SOX5: variants seen among roughly 807,000 people sequenced by gnomAD.
The protein encoded by SOX5 is transcription factor SOX-5.
Under a neutral mutation model 92.0 loss-of-function variants are expected in SOX5, and 9 were observed. The observed-to-expected ratio is 0.10, with a 90% confidence interval of 0.06 to 0.17. SOX5 has a LOEUF of 0.17. SOX5 is among the 10% of genes least tolerant of loss of function. The pLI is 1.00. For missense variants in SOX5, 642 were observed against 944.5 expected (o/e 0.68, Z 4.20); for synonymous variants, 344 against 336.3 (o/e 1.02, Z -0.25).
chr12:23,968,689 C>G (rs1569313677), intron 4 of SOX5, among the ~76,000 whole-genome samples: 2 of 152,196 alleles, frequency 1.3e-5, no homozygotes, highest in Non-Finnish European at 2.9e-5. Context: ...CTTGGATATT[C>G]TGTTACAGCA....
chr12:23,543,720 A>T (rs930307605), intron 12 of SOX5, among the ~76,000 whole-genome samples: 1 of 152,246 alleles, frequency 6.6e-6, no homozygotes, highest in African/African-American at 2.4e-5. Context: ...ATCAACAGGC[A>T]TACCAGTAGT....
chr12:23,534,975 G>T (rs1940006986), intron 14 of SOX5, among the ~76,000 whole-genome samples: 1 of 152,032 alleles, frequency 6.6e-6, no homozygotes, highest in African/African-American at 2.4e-5. Flanking sequence ...CTCCCAAAGT[G>T]TTGGGATTAC....
At chr12:24,072,131 G>C (rs2137453015) in intron 4 of SOX5, among the ~76,000 whole-genome samples, 1 of 152,254 alleles carries the variant, frequency 6.6e-6, no homozygotes, top group South Asian at 2.1e-4. Context: ...AAATAAGTTT[G>C]CAATTGAATT....
chr12:23,849,494 A>G (rs962919608), intron 2 of SOX5, among the ~76,000 whole-genome samples: 1 of 152,194 alleles, frequency 6.6e-6, no homozygotes, highest in African/African-American at 2.4e-5. Context: ...TAACTACCAA[A>G]AAGTAGAGTG....
intron 2 of SOX5, among the ~76,000 whole-genome samples, chr12:23,870,910 A>G (rs912469766): frequency 6.6e-6 from 1 of 152,020 alleles, no homozygotes; most frequent in African/African-American, 2.4e-5. Context: ...GAGACACTTC[A>G]CTCACTAAGG....
chr12:24,411,026 A>C (rs762540093), intron 1 of SOX5, among the ~76,000 whole-genome samples: 12 of 152,070 alleles, frequency 7.9e-5, no homozygotes, highest in Non-Finnish European at 1.3e-4. Context: ...GTTTTGTTAG[A>C]TTTATACCTA....
At chr12:23,970,587 A>G (rs955363610) in intron 4 of SOX5, among the ~76,000 whole-genome samples, 7 of 151,536 alleles carry the variant, frequency 4.6e-5, no homozygotes, top group Admixed American at 2.6e-4. Context: ...TACTGAGCAT[A>G]AAGTTTTCAA....
intron 3 of SOX5, among the ~76,000 whole-genome samples, chr12:23,829,701 G>A (rs897439083): frequency 4.6e-5 from 7 of 152,134 alleles, no homozygotes; most frequent in African/African-American, 1.7e-4. Context: ...GGTTTGGAAT[G>A]ACTTACATAG....
intron 4 of SOX5, among the ~76,000 whole-genome samples, chr12:24,066,777 A>G (rs926957524): frequency 5.3e-5 from 8 of 152,370 alleles, no homozygotes; most frequent in African/African-American, 1.9e-4. Context: ...ACACCTATTT[A>G]TAACTAAGCA....
chr12:23,814,416 G>A (rs1192381226), intron 3 of SOX5, among the ~76,000 whole-genome samples: 1 of 152,186 alleles, frequency 6.6e-6, no homozygotes. Context: ...AGAGGTTCCT[G>A]TAGAAAGCAG....
intron 12 of SOX5, among the ~76,000 whole-genome samples, chr12:23,543,792 G>T (rs1424992813): frequency 6.6e-6 from 1 of 152,142 alleles, no homozygotes; most frequent in Non-Finnish European, 1.5e-5. Context: ...GATTATAGGG[G>T]AGGATATATC....
At chr12:24,491,436 T>G (rs1189808679) in intron 1 of SOX5, among the ~76,000 whole-genome samples, 1 of 152,116 alleles carries the variant, frequency 6.6e-6, no homozygotes, top group Non-Finnish European at 1.5e-5. Flanking sequence ...CAAAGAAATG[T>G]TCACTAGAGT....
chr12:24,434,883 G>T (rs1226606191), intron 1 of SOX5, among the ~76,000 whole-genome samples: 1 of 152,162 alleles, frequency 6.6e-6, no homozygotes, highest in Non-Finnish European at 1.5e-5. Context: ...CCTGTCTTGG[G>T]TATTTCTTTA....
intron 8 of SOX5, among the ~76,000 whole-genome samples, chr12:23,622,315 GA>G (rs58857226): frequency 5.3e-4 from 79 of 149,116 alleles, no homozygotes; most frequent in African/African-American, 1.0e-3. Flanking sequence ...AATAAAAAGA[GA>G]AAAAAAAAAG....
chr12:24,175,911 G>C (rs865952762), intron 4 of SOX5, among the ~76,000 whole-genome samples: 4 of 151,810 alleles, frequency 2.6e-5, no homozygotes, highest in African/African-American at 9.7e-5. Context: ...AAAGGGACCC[G>C]AACAGCCAAC....
At chr12:23,635,496 C>T (rs1029083646) in intron 8 of SOX5, among the ~76,000 whole-genome samples, 1 of 151,792 alleles carries the variant, frequency 6.6e-6, no homozygotes, top group Non-Finnish European at 1.5e-5. Flanking sequence ...GGAAGGGGAA[C>T]ATCACACACC....
intron 4 of SOX5, among the ~76,000 whole-genome samples, chr12:24,206,865 A>G (rs1958072597): frequency 6.6e-6 from 1 of 152,198 alleles, no homozygotes; most frequent in Admixed American, 6.5e-5. Context: ...TGCTTGCCAA[A>G]TAAGCTGAGT....
intron 3 of SOX5, among the ~76,000 whole-genome samples, chr12:24,228,311 G>C (rs1455929917): frequency 2.6e-5 from 4 of 152,128 alleles, no homozygotes; most frequent in Non-Finnish European, 5.9e-5. Context: ...AACAAGAACA[G>C]AGCAGGTTAA....
chr12:24,364,949 T>G (rs1406698617), intron 2 of SOX5, among the ~76,000 whole-genome samples: 2 of 152,090 alleles, frequency 1.3e-5, no homozygotes, highest in Non-Finnish European at 2.9e-5. Flanking sequence ...CAATGGCCTT[T>G]GTATAACTAT....
Sources: allele counts gnomAD v4.1 joint callset (sites outside exome capture counted in the v4.1 genomes callset), GRCh38; gene constraint gnomAD v4.1.1; transcripts MANE v1.5; gene names NCBI Gene and HGNC (gene_info 2026-07-23, HGNC 2026-07-21).